Variants in SLC2A9 observed in about 807,000 individuals in gnomAD.
SLC2A9 encodes solute carrier family 2 member 9, also known as solute carrier family 2, facilitated glucose transporter member 9.
In SLC2A9, 39 loss-of-function variants were observed where a neutral mutation model predicts 50.6. The observed-to-expected ratio is 0.77, with a 90% confidence interval of 0.60 to 1.01. The LOEUF (loss-of-function observed/expected upper bound fraction) is 1.01, where lower values mean the gene tolerates loss of function less well. SLC2A9 is among the 50% of genes least tolerant of loss of function. The pLI is 0.00. For synonymous variants in SLC2A9, 324 were observed against 276.9 expected, an observed-to-expected ratio of 1.17 and a Z score of -1.69; for missense variants, 686 against 677.6, an observed-to-expected ratio of 1.01 and a Z score of -0.14.
chr4:10,009,040 G>A (rs1325938853), intron 2 of SLC2A9, among the ~76,000 whole-genome samples: 1 of 151,944 alleles, frequency 6.6e-6, no homozygotes, highest in African/African-American at 2.4e-5. Flanking sequence ...CCATTTCATA[G>A]ACATAATTGC....
chr4:9,937,961 T>C (rs897528399), intron 6 of SLC2A9, among the ~76,000 whole-genome samples: 1 of 152,256 alleles, frequency 6.6e-6, no homozygotes, highest in Non-Finnish European at 1.5e-5. Flanking sequence ...GGCCTGCCCG[T>C]ATCTATGATG....
chr4:9,897,233 G>A (rs773395019), intron 8 of SLC2A9, among the ~76,000 whole-genome samples: 1 of 152,154 alleles, frequency 6.6e-6, no homozygotes, highest in Non-Finnish European at 1.5e-5. Flanking sequence ...AAAAGAATAT[G>A]CACATGCTCC....
chr4:9,958,708 C>T (rs928190786), intron 5 of SLC2A9, among the ~76,000 whole-genome samples: 5 of 152,098 alleles, frequency 3.3e-5, no homozygotes, highest in Non-Finnish European at 5.9e-5. Flanking sequence ...GTGGTTTCTA[C>T]CCAGGAGAGA....
intron 5 of SLC2A9, among the ~76,000 whole-genome samples, chr4:9,954,550 A>G (rs985630413): frequency 1.3e-5 from 2 of 152,222 alleles, no homozygotes; most frequent in Non-Finnish European, 2.9e-5. Flanking sequence ...CCATACATGC[A>G]GGGGGTGAGA....
At chr4:9,818,353 A>G (rs6855095) in intron 3 of SLC2A9, among the ~76,000 whole-genome samples, 77,367 of 152,150 alleles carry the variant, frequency 0.51, 21,883 homozygotes, top group Non-Finnish European at 0.63. Context: ...AGCTGTGAGT[A>G]TTGTCGAAGA....
chr4:9,832,204 T>G (rs1726277766), intron 11 of SLC2A9, among the ~76,000 whole-genome samples: 1 of 152,110 alleles, frequency 6.6e-6, no homozygotes, highest in South Asian at 2.1e-4. Flanking sequence ...CTAGAACACA[T>G]ACACGTTGCT....
intron 8 of SLC2A9, among the ~76,000 whole-genome samples, chr4:9,899,102 T>G (rs1004181286): frequency 6.6e-6 from 1 of 152,200 alleles, no homozygotes; most frequent in Non-Finnish European, 1.5e-5. Flanking sequence ...TGAGACTCTT[T>G]CAGAGAGAAA....
chr4:9,839,675 A>G (rs1044747825), intron 10 of SLC2A9, among the ~76,000 whole-genome samples: 9 of 152,192 alleles, frequency 5.9e-5, no homozygotes, highest in African/African-American at 1.7e-4. Flanking sequence ...TGTCCTTTGC[A>G]GGGACATGGA....
chr4:9,857,517 G>A (rs181315906), intron 10 of SLC2A9, among the ~76,000 whole-genome samples: 60 of 152,286 alleles, frequency 3.9e-4, no homozygotes, highest in South Asian at 8.3e-4. Flanking sequence ...TCCACCTGCC[G>A]GCTGGCATCC....
chr4:9,891,482 A>C (rs1404958591), intron 8 of SLC2A9, among the ~76,000 whole-genome samples: 1 of 152,208 alleles, frequency 6.6e-6, no homozygotes, highest in Non-Finnish European at 1.5e-5. Flanking sequence ...TTTATCTGTG[A>C]CAAGAGAATC....
At chr4:9,994,199 C>A (rs1415018656) in intron 3 of SLC2A9, among the ~76,000 whole-genome samples, 1 of 152,222 alleles carries the variant, frequency 6.6e-6, no homozygotes, top group Non-Finnish European at 1.5e-5. Flanking sequence ...AACCTTGGTC[C>A]AATTGACCAC....
chr4:9,891,638 AG>A (rs1180971702), intron 8 of SLC2A9, among the ~76,000 whole-genome samples: 1 of 152,132 alleles, frequency 6.6e-6, no homozygotes, highest in Non-Finnish European at 1.5e-5. Context: ...AGGGTCAGAG[AG>A]GTGAGATAAC....
At chr4:9,913,551 A>T (rs1332996214) in intron 7 of SLC2A9, among the ~76,000 whole-genome samples, 1 of 151,660 alleles carries the variant, frequency 6.6e-6, no homozygotes, top group African/African-American at 2.4e-5. Flanking sequence ...GTTTCCAGGG[A>T]CCTCCTTTCC....
At chr4:10,014,162 C>T (rs1334943339) in intron 2 of SLC2A9, among the ~76,000 whole-genome samples, 1 of 152,140 alleles carries the variant, frequency 6.6e-6, no homozygotes, top group Non-Finnish European at 1.5e-5. Context: ...TTCCTGGTCT[C>T]CCTGGTTCTG....
rs1384366872 is a variant in SLC2A9, at chr4:10,002,625, G to A, written c.250-5684C>T. 3.3e-5 allele frequency among the ~76,000 whole-genome samples: 5 copies of A among 152,244 alleles called. No individual in the cohort carries two copies. The East Asian group carries it at 7.7e-4, about 23-fold the overall frequency. ...TCCAACACTTTGGGAGGCCAAGGCAGGCAGATCACCTGAGGTTAGGAGTTT... is the reference window on the plus strand; with the variant it reads ...TCCAACACTTTGGGAGGCCAAGGCAAGCAGATCACCTGAGGTTAGGAGTTT... On this transcript the variant is annotated intron_variant, in intron 2 of 11. Transcript: ENST00000264784.
intron 5 of SLC2A9, among the ~76,000 whole-genome samples, chr4:9,942,412 C>T (rs1748329813): frequency 6.6e-6 from 1 of 152,200 alleles, no homozygotes; most frequent in Admixed American, 6.5e-5. Context: ...CCAGGGCTGC[C>T]TCCCAGGCTG....
rs1046960949 is a variant in SLC2A9 at position 9,826,419 on chromosome 4, C to T, written c.1601G>A (p.Gly534Asp). ...TTGTTAAGGCCTTCCATTTATCTTA[C>T]CATCAGTGACAGCTGAGTCGATTTT... ...EEKIDSAVTDGKINGRP is the reference protein window; with the variant it reads ...EEKIDSAVTDDKINGRP Residue 534 changes from glycine (G) to aspartate (D), a missense_variant, in exon 12 of 12, where the codon GGT (glycine) becomes GAT (aspartate). Transcript: ENST00000264784. 1 of 1,614,030 alleles carries T rather than the reference C, an allele frequency of 6.2e-7. No individual in the cohort carries two copies. Among genetic ancestry groups the T allele is most frequent in the African/African-American group, 1.3e-5 (1 of 75,020 alleles).
At chr4:10,039,245 A>G (rs1441339662) in intron 1 of SLC2A9, among the ~76,000 whole-genome samples, 2 of 152,240 alleles carry the variant, frequency 1.3e-5, no homozygotes, top group Non-Finnish European at 2.9e-5. Context: ...GCACACACTT[A>G]ACAGTGCCCA....
intron 5 of SLC2A9, among the ~76,000 whole-genome samples, chr4:9,955,748 G>A (rs1207935883): frequency 3.3e-5 from 5 of 151,914 alleles, no homozygotes; most frequent in Non-Finnish European, 7.4e-5. Flanking sequence ...ATTTGCTGCC[G>A]CGGACACCTC....
Sources: gnomAD v4.1 joint callset for allele counts (sites outside exome capture counted in the v4.1 genomes callset) on GRCh38, gnomAD v4.1.1 for gene constraint, MANE v1.5 for transcripts, NCBI Gene and HGNC (gene_info 2026-07-23, HGNC 2026-07-21) for gene names.